Variants in NT5E observed in about 807,000 individuals in gnomAD.
The protein encoded by NT5E is 5'-nucleotidase.
NT5E carries 53 observed loss-of-function variants against 55.1 expected under a neutral mutation model. The ratio of observed to expected loss-of-function variants is 0.96; its 90% CI spans 0.77 to 1.21. The LOEUF (loss-of-function observed/expected upper bound fraction) is 1.21. Ranked by LOEUF, NT5E falls within the 50% of genes most tolerant of loss-of-function variation. The pLI is 0.00. For synonymous variants in NT5E, 270 were observed against 278.4 expected, an observed-to-expected ratio of 0.97 and a Z score of 0.30; for missense variants, 683 against 724.3, an observed-to-expected ratio of 0.94 and a Z score of 0.65.
chr6:85,456,346 G>T lies in NT5E; in HGVS notation c.339+5868G>T, dbSNP rs1303804926. On this transcript the variant is annotated intron_variant, in intron 1 of 8. Coordinates refer to ENST00000257770, the MANE Select transcript of NT5E (RefSeq NM_002526.4). ...TTTCCAAGTTCTGTGACTCGTTCTA[G>T]CCAATTATCAATCCCAAGGATAGGG... Among the ~76,000 whole-genome samples the T allele has an allele frequency of 8.5e-5, 13 of 152,272 alleles. No homozygotes were observed. The South Asian group carries it at 2.5e-3, about 29-fold the overall frequency.
intron 3 of NT5E, 69 bp from the exon 4 acceptor site, chr6:85,485,166 C>G: frequency 6.9e-7 from 1 of 1,452,540 alleles, no homozygotes; most frequent in Non-Finnish European, 9.6e-7. Context: ...CAGCCAGTAG[C>G]CCGCTGGCCT....
intron 6 of NT5E, 29 bp from the exon 7 acceptor site, chr6:85,490,479 C>G (rs1320281759): frequency 6.2e-7 from 1 of 1,613,872 alleles, no homozygotes; most frequent in Non-Finnish European, 8.5e-7. Flanking sequence ...AGCTATTTTC[C>G]TTCTTGCCTC....
chr6:85,485,861 G>C (rs1769644353), intron 4 of NT5E, among the ~76,000 whole-genome samples: 2 of 152,190 alleles, frequency 1.3e-5, no homozygotes, highest in Admixed American at 6.5e-5. Flanking sequence ...AAATGAGGGA[G>C]TACCTTATTT....
intron 1 of NT5E, among the ~76,000 whole-genome samples, chr6:85,453,267 A>G (rs562371092): frequency 1.3e-5 from 2 of 152,316 alleles, no homozygotes; most frequent in Admixed American, 6.5e-5. Context: ...CATGTTCCTT[A>G]GCTGTAAAAC....
Position 85,453,667 on chromosome 6 carries a change from G to T in NT5E, c.339+3189G>T, listed in dbSNP as rs140251471. Reference sequence around the variant, plus strand: ...TAGAAAGGTGCCTTTTCTCTGCTTGGCTGCTGCTTCTGAGGCCCTGGCTGC... The same window carrying T: ...TAGAAAGGTGCCTTTTCTCTGCTTGTCTGCTGCTTCTGAGGCCCTGGCTGC... On this transcript the variant is annotated intron_variant, in intron 1 of 8. Coordinates refer to ENST00000257770, the MANE Select transcript of NT5E (RefSeq NM_002526.4). Among the ~76,000 whole-genome samples the T allele has an allele frequency of 3.2e-3, 494 of 152,142 alleles. 2 individuals are homozygous for T. The highest frequency in any genetic ancestry group is 0.011 in the African/African-American group (466 of 41,506).
chr6:85,466,769 T>C (rs557766857), intron 1 of NT5E, among the ~76,000 whole-genome samples: 1 of 152,238 alleles, frequency 6.6e-6, no homozygotes, highest in Admixed American at 6.5e-5. Flanking sequence ...GGCTGGTAAA[T>C]GTGAACATTC....
intron 8 of NT5E, 99 bp from the exon 9 acceptor site, chr6:85,493,742 C>A: frequency 1.0e-6 from 1 of 984,862 alleles, no homozygotes; most frequent in East Asian, 2.4e-5. Flanking sequence ...TTTACCCCTG[C>A]TTATGAAATT....
chr6:85,492,237 GCTA>G (rs1342060794), intron 8 of NT5E, 60 bp downstream of exon 8: 1 of 1,521,308 alleles, frequency 6.6e-7, no homozygotes, highest in Non-Finnish European at 9.1e-7. Context: ...AAGAAGGGGA[GCTA>G]CTAGTGGTGC....
intron 1 of NT5E, among the ~76,000 whole-genome samples, chr6:85,461,671 G>C (rs1769100332): frequency 6.6e-6 from 1 of 152,150 alleles, no homozygotes; most frequent in Non-Finnish European, 1.5e-5. Context: ...AGTTAGTTAG[G>C]CTTTTTCCAA....
chr6:85,467,146 A>G lies in NT5E; in HGVS notation c.426A>G (p.Ala142=), dbSNP rs777903047. Residue 142 remains alanine, a synonymous_variant, in exon 2 of 9, where the codon GCA becomes GCG. Transcript: ENST00000257770. ...LKEAKFPILS[A]NIKAKGPLAS... ...AGGCCAAATTTCCAATTCTGAGTGC[A>G]AACATTAAAGCAAAGGGGCCACTAG... The G allele has an allele frequency of 5.6e-6, 9 of 1,614,094 alleles. No homozygotes were observed. In the East Asian group the frequency reaches 2.0e-4, roughly 36 times the overall value.
rs1165954958 is a variant in NT5E, at chr6:85,495,645, AG to A, written c.*1644del. Reference sequence around the variant, plus strand: ...ATTTTTTACACTTGGCCAGTAAAATAGGGTAAATCCTATTAGAATTTTTTAA... The same window carrying A: ...ATTTTTTACACTTGGCCAGTAAAATAGGTAAATCCTATTAGAATTTTTTAA... On this transcript the variant is annotated 3_prime_UTR_variant, in exon 9 of 9. Transcript: ENST00000257770. The A allele has an allele frequency of 1.3e-5, 2 of 152,236 alleles. No homozygotes were observed. The highest frequency in any genetic ancestry group is 4.8e-5 in the African/African-American group (2 of 41,470). 9.4% of individuals were successfully genotyped at this position (152,236 alleles called of 1,614,324 possible).
At chr6:85,460,148 A>G (rs1288301817) in intron 1 of NT5E, among the ~76,000 whole-genome samples, 1 of 152,266 alleles carries the variant, frequency 6.6e-6, no homozygotes, top group African/African-American at 2.4e-5. Flanking sequence ...AAACTAAATT[A>G]AACGGGTACT....
intron 1 of NT5E, among the ~76,000 whole-genome samples, chr6:85,462,213 C>T (rs1383443044): frequency 1.3e-5 from 2 of 152,096 alleles, no homozygotes; most frequent in Non-Finnish European, 2.9e-5. Context: ...CAGGCTCACA[C>T]AACTCCCATC....
At position 85,475,561 on chromosome 6, in the gene NT5E, A is replaced by C. The variant is rs539200766; in HGVS notation, c.751+4136A>C. 1.2e-3 allele frequency among the ~76,000 whole-genome samples: 182 copies of C among 152,320 alleles called. 1 individual carries two copies. Among genetic ancestry groups the C allele is most frequent in the African/African-American group, 4.1e-3 (169 of 41,580 alleles). On this transcript the variant is annotated intron_variant, in intron 3 of 8. Transcript: ENST00000257770. ...TAAAATGCAAACGCTTTCTCTAAAGAAGTTAAATCCTAGAGTCACGAACTG... is the reference window on the plus strand; with the variant it reads ...TAAAATGCAAACGCTTTCTCTAAAGCAGTTAAATCCTAGAGTCACGAACTG...
At chr6:85,452,006 A>G (rs1768869625) in intron 1 of NT5E, among the ~76,000 whole-genome samples, 1 of 152,192 alleles carries the variant, frequency 6.6e-6, no homozygotes, top group Non-Finnish European at 1.5e-5. Context: ...CAGCCTTCAG[A>G]GTTGATGAGG....
intron 3 of NT5E, among the ~76,000 whole-genome samples, chr6:85,473,874 G>A (rs1002444898): frequency 6.6e-6 from 1 of 152,192 alleles, no homozygotes; most frequent in Non-Finnish European, 1.5e-5. Context: ...ACATTCCTGT[G>A]TTCCCCTTGA....
rs1582385334 is a variant in NT5E, at chr6:85,485,375, G to C, written c.892G>C (p.Gly298Arg). 1 of 1,614,190 alleles carries C rather than the reference G, an allele frequency of 6.2e-7. No individual in the cohort carries two copies. The change falls in exon 4 of 9, where the codon GGA becomes CGA. Residue 298 changes from glycine to arginine, a missense_variant. Transcript: ENST00000257770. ...TCTGAAGATCGAGTTTGATGAAAGA[G>C]GAAACGTCATCTCTTCCCATGGAAA... ...GYLKIEFDER[G>R]NVISSHGNPI...
At chr6:85,466,146 G>A (rs1769187647) in intron 1 of NT5E, among the ~76,000 whole-genome samples, 1 of 152,212 alleles carries the variant, frequency 6.6e-6, no homozygotes, top group Non-Finnish European at 1.5e-5. Flanking sequence ...TGTCAGTGGG[G>A]CCTCTGCATG....
chr6:85,458,416 C>A (rs1769029181), intron 1 of NT5E, among the ~76,000 whole-genome samples: 1 of 152,124 alleles, frequency 6.6e-6, no homozygotes, highest in South Asian at 2.1e-4. Context: ...TGCTGGATGA[C>A]CAGCTTCAGG....
Sources: gnomAD v4.1 joint callset for allele counts (sites outside exome capture counted in the v4.1 genomes callset) on GRCh38, gnomAD v4.1.1 for gene constraint, MANE v1.5 for transcripts, NCBI Gene and HGNC (gene_info 2026-07-23, HGNC 2026-07-21) for gene names.